Variants in CACNA2D3 observed in about 807,000 individuals in gnomAD.
The protein encoded by CACNA2D3 is calcium voltage-gated channel auxiliary subunit alpha2delta 3.
A neutral mutation model predicts 160.6 loss-of-function variants in CACNA2D3; 60 were observed. The ratio of observed to expected loss-of-function variants is 0.37; its 90% CI spans 0.30 to 0.46. The LOEUF is 0.46. CACNA2D3 is among the 20% of genes least tolerant of loss of function. CACNA2D3 has a pLI of 1.00. For missense variants in CACNA2D3, 1,205 were observed against 1,365.0 expected, an observed-to-expected ratio of 0.88 and a Z score of 1.85; for synonymous variants, 558 against 492.9, an observed-to-expected ratio of 1.13 and a Z score of -1.75.
chr3:54,430,169 A>T (rs1265751838), intron 4 of CACNA2D3, among the ~76,000 whole-genome samples: 2 of 152,250 alleles, frequency 1.3e-5, no homozygotes, highest in Non-Finnish European at 2.9e-5. Flanking sequence ...GAAAACATTT[A>T]CAAGCCCCAA....
chr3:54,227,577 C>A (rs1211321483), intron 2 of CACNA2D3, among the ~76,000 whole-genome samples: 1 of 151,292 alleles, frequency 6.6e-6, no homozygotes, highest in Non-Finnish European at 1.5e-5. Context: ...GGCGGGGGGG[C>A]AGAGTCTCGC....
At chr3:54,990,142 C>T (rs1702707555) in intron 31 of CACNA2D3, among the ~76,000 whole-genome samples, 3 of 152,220 alleles carry the variant, frequency 2.0e-5, no homozygotes, top group Non-Finnish European at 4.4e-5. Context: ...AACTCGAGAT[C>T]AGTTTACTGT....
rs1700520877 is a variant in CACNA2D3 at position 54,689,011 on chromosome 3, A to AGG, written c.1167+46771_1167+46772insGG. Among the ~76,000 whole-genome samples, 11 of 11,390 alleles carry AGG rather than the reference A, an allele frequency of 9.7e-4. 3 individuals are homozygous for AGG. The highest frequency in any genetic ancestry group is 8.7e-3 in the South Asian group (4 of 458). The allele number at this position is 11,390 out of a possible 152,430, so 7.5% of individuals were successfully genotyped here. ...AAAAAAAAAAAAAAAAAAAAAAAAA[A>AGG]GAATGAGGTTGTATACATAAAGCAC... On this transcript the variant is annotated intron_variant, in intron 11 of 37. Transcript: ENST00000474759.
intron 31 of CACNA2D3, among the ~76,000 whole-genome samples, chr3:54,996,940 C>T (rs771511063): frequency 3.9e-5 from 6 of 152,134 alleles, no homozygotes; most frequent in Non-Finnish European, 7.3e-5. Context: ...CCAAACACCA[C>T]GTGTTCTCAC....
chr3:54,549,144 T>C (rs1702112375), intron 5 of CACNA2D3, among the ~76,000 whole-genome samples: 1 of 152,178 alleles, frequency 6.6e-6, no homozygotes, highest in Non-Finnish European at 1.5e-5. Context: ...CTTGGCCTTT[T>C]GCTGTTAAAA....
At chr3:54,477,638 T>G (rs983689902) in intron 4 of CACNA2D3, among the ~76,000 whole-genome samples, 1 of 152,212 alleles carries the variant, frequency 6.6e-6, no homozygotes, top group Non-Finnish European at 1.5e-5. Context: ...CCAAGTCTGC[T>G]ATCTTGATTT....
chr3:54,665,130 C>T (rs997708122), intron 11 of CACNA2D3, among the ~76,000 whole-genome samples: 1 of 152,184 alleles, frequency 6.6e-6, no homozygotes, highest in African/African-American at 2.4e-5. Flanking sequence ...ATATACTCCA[C>T]CTTTATGTTA....
At chr3:54,811,269 A>G (rs988275446) in intron 13 of CACNA2D3, among the ~76,000 whole-genome samples, 2 of 152,030 alleles carry the variant, frequency 1.3e-5, no homozygotes, top group African/African-American at 4.8e-5. Context: ...TCTTCTCAGT[A>G]TGCCTCTCCC....
chr3:54,124,627 C>T (rs567485408), intron 2 of CACNA2D3, among the ~76,000 whole-genome samples: 4 of 152,288 alleles, frequency 2.6e-5, no homozygotes, highest in African/African-American at 9.6e-5. Flanking sequence ...ATGGCATTCC[C>T]CTTCAGAGAG....
At chr3:54,472,437 T>C (rs898044442) in intron 4 of CACNA2D3, among the ~76,000 whole-genome samples, 2 of 152,180 alleles carry the variant, frequency 1.3e-5, no homozygotes. Flanking sequence ...ACAGCCAATA[T>C]CATACTGAAT....
At chr3:54,203,690 G>A (rs77207658) in intron 2 of CACNA2D3, among the ~76,000 whole-genome samples, 5 of 151,756 alleles carry the variant, frequency 3.3e-5, no homozygotes, top group Admixed American at 1.3e-4. Flanking sequence ...GCCAAACTCC[G>A]TCTCATCCCG....
chr3:54,810,618 CA>C (rs1703282102), intron 13 of CACNA2D3, among the ~76,000 whole-genome samples: 1 of 152,196 alleles, frequency 6.6e-6, no homozygotes, highest in South Asian at 2.1e-4. Context: ...ATATGTAGGC[CA>C]GGCTTTTTTT....
chr3:54,623,039 G>A (rs374023628), intron 9 of CACNA2D3, among the ~76,000 whole-genome samples: 1 of 152,190 alleles, frequency 6.6e-6, no homozygotes, highest in Admixed American at 6.5e-5. Context: ...TATGGTCTCC[G>A]CAGCCAGGGT....
At chr3:54,288,883 A>G (rs1321356845) in intron 2 of CACNA2D3, among the ~76,000 whole-genome samples, 2 of 152,232 alleles carry the variant, frequency 1.3e-5, no homozygotes, top group Non-Finnish European at 2.9e-5. Context: ...CCTTCATGCT[A>G]AAAACTCAAG....
chr3:54,674,942 T>A (rs1020331694), intron 11 of CACNA2D3, among the ~76,000 whole-genome samples: 6 of 152,114 alleles, frequency 3.9e-5, no homozygotes, highest in African/African-American at 1.4e-4. Flanking sequence ...AGGATTTTAA[T>A]ATCACTAAGA....
intron 3 of CACNA2D3, among the ~76,000 whole-genome samples, chr3:54,357,932 A>G (rs1006396205): frequency 2.0e-5 from 3 of 152,238 alleles, no homozygotes; most frequent in African/African-American, 7.2e-5. Flanking sequence ...GACGAATAGA[A>G]TAGAGCACAG....
chr3:54,894,715 T>G (rs2106875567), intron 25 of CACNA2D3: 1 of 475,222 alleles, frequency 2.1e-6, no homozygotes, highest in East Asian at 6.3e-5. Flanking sequence ...CAGAGGCTCC[T>G]CCTCACACCG....
intron 9 of CACNA2D3, 104 bp downstream of exon 9, chr3:54,581,981 T>A: frequency 1.1e-6 from 1 of 876,734 alleles, no homozygotes; most frequent in Non-Finnish European, 1.8e-6. Context: ...TGCCCTTTCA[T>A]TGAGGCCCTT....
chr3:54,299,254 G>A (rs1703417471), intron 2 of CACNA2D3, among the ~76,000 whole-genome samples: 1 of 150,872 alleles, frequency 6.6e-6, no homozygotes, highest in Admixed American at 6.6e-5. Context: ...CTGAAACATA[G>A]CAGAGGCAGG....
Sources: allele counts gnomAD v4.1 joint callset (sites outside exome capture counted in the v4.1 genomes callset), GRCh38; gene constraint gnomAD v4.1.1; transcripts MANE v1.5; gene names NCBI Gene and HGNC (gene_info 2026-07-23, HGNC 2026-07-21).